REEP5: variants seen among roughly 807,000 people sequenced by gnomAD.
REEP5 encodes receptor accessory protein 5, also known as receptor expression-enhancing protein 5.
A neutral mutation model predicts 22.4 loss-of-function variants in REEP5; 24 were observed. That is an observed-to-expected ratio of 1.07 (90% CI 0.78 to 1.51). The LOEUF is 1.51. REEP5 is among the 40% of genes most tolerant of loss of function. The pLI, the probability that REEP5 is intolerant of heterozygous loss-of-function variation, is 0.00. For synonymous variants in REEP5, 103 were observed against 88.6 expected (o/e 1.16, Z -0.92); for missense variants, 252 against 233.0 (o/e 1.08, Z -0.53).
chr5:112,920,620 T>C (rs1050618251), intron 2 of REEP5, among the ~76,000 whole-genome samples: 4 of 152,206 alleles, frequency 2.6e-5, no homozygotes, highest in Non-Finnish European at 5.9e-5. Context: ...TCATGGAGCA[T>C]TTTTAAAGGT....
chr5:112,907,285 C>G (rs1364423468), intron 2 of REEP5, among the ~76,000 whole-genome samples: 1 of 152,186 alleles, frequency 6.6e-6, no homozygotes. Flanking sequence ...GGCAGTCACA[C>G]TGATCCTGGG....
intron 4 of REEP5, among the ~76,000 whole-genome samples, chr5:112,884,076 C>T (rs932201227): frequency 2.6e-5 from 4 of 152,212 alleles, no homozygotes; most frequent in Admixed American, 2.6e-4. Context: ...AACTTCCTGC[C>T]TTACCCCTTC....
At chr5:112,921,604 C>T (rs959772239) in intron 1 of REEP5, 4 of 325,996 alleles carry the variant, frequency 1.2e-5, no homozygotes, top group Admixed American at 4.6e-5. Context: ...CTGCGCTCAG[C>T]GGGGAGCGTC....
intron 2 of REEP5, among the ~76,000 whole-genome samples, chr5:112,906,019 C>T (rs1038252519): frequency 2.0e-5 from 3 of 152,196 alleles, no homozygotes; most frequent in Non-Finnish European, 4.4e-5. Context: ...AAATATGAAT[C>T]ATATTCCAAC....
intron 4 of REEP5, among the ~76,000 whole-genome samples, chr5:112,879,262 G>A (rs537988863): frequency 7.3e-6 from 1 of 136,242 alleles, no homozygotes; most frequent in Non-Finnish European, 1.5e-5. Flanking sequence ...ATCCCATGGC[G>A]ACAAATCAGA....
chr5:112,903,640 GAC>G (rs1380316711), intron 2 of REEP5, among the ~76,000 whole-genome samples: 1 of 152,178 alleles, frequency 6.6e-6, no homozygotes, highest in Non-Finnish European at 1.5e-5. Flanking sequence ...TCCCCAAAGA[GAC>G]AGTCAGGCTG....
Position 112,921,162 on chromosome 5 carries a change from C to T in REEP5, c.212+1G>A, listed in dbSNP as rs1363931116. ...GGACGGCTGCAGGGTGTGTCACTTA[C>T]GAGATGTAGGCTGGGTAGCCAAATC... On this transcript the variant is annotated splice_donor_variant, in intron 2 of 4. Transcript: ENST00000379638. LOFTEE classifies it high-confidence loss of function. 6.2e-7 allele frequency: 1 copy of T among 1,613,990 alleles called. No homozygotes were observed. Among genetic ancestry groups the T allele is most frequent in the Non-Finnish European group, 8.5e-7 (1 of 1,179,920 alleles).
chr5:112,891,625 G>C, intron 3 of REEP5: 1 of 1,588,930 alleles, frequency 6.3e-7, no homozygotes, highest in Non-Finnish European at 8.6e-7. Flanking sequence ...TGAGGGGTCA[G>C]GCGGTGCTGG....
intron 2 of REEP5, among the ~76,000 whole-genome samples, chr5:112,908,837 G>A (rs1769027516): frequency 6.7e-6 from 1 of 149,480 alleles, no homozygotes; most frequent in Non-Finnish European, 1.5e-5. Flanking sequence ...TTACAGGCGT[G>A]AGCCACCATG....
chr5:112,886,607 G>A (rs1452078852), intron 4 of REEP5, among the ~76,000 whole-genome samples: 2 of 152,168 alleles, frequency 1.3e-5, no homozygotes, highest in African/African-American at 4.8e-5. Context: ...GTAAATGCTT[G>A]ATGGAATTTT....
At chr5:112,915,867 C>T (rs1390849708) in intron 2 of REEP5, among the ~76,000 whole-genome samples, 1 of 133,608 alleles carries the variant, frequency 7.5e-6, no homozygotes, top group Non-Finnish European at 1.6e-5. Flanking sequence ...AAGAACAAAA[C>T]ATAATTACAA....
chr5:112,877,735 G>A lies in REEP5; in HGVS notation c.*1051C>T, dbSNP rs1345838359. 6.6e-6 allele frequency: 1 copy of A among 152,122 alleles called. No homozygotes were observed. Among genetic ancestry groups the A allele is most frequent in the Non-Finnish European group, 1.5e-5 (1 of 68,038 alleles). 9.4% of individuals were successfully genotyped at this position (152,122 alleles called of 1,614,324 possible). On this transcript the variant is annotated 3_prime_UTR_variant, in exon 5 of 5. Coordinates refer to ENST00000379638, the MANE Select transcript of REEP5 (RefSeq NM_005669.5). The stretch of plus-strand genomic sequence containing the variant: ...TAGAGCTAGGTGTCGTCATTAGCAT[G>A]TTGTTGCTAATGATACAAACAAGAA...
chr5:112,905,429 T>C (rs926271040), intron 2 of REEP5, among the ~76,000 whole-genome samples: 2 of 151,558 alleles, frequency 1.3e-5, no homozygotes, highest in African/African-American at 4.8e-5. Context: ...TAATCCCAGC[T>C]GCTTGGGAGG....
chr5:112,915,395 C>T lies in REEP5; in HGVS notation c.212+5768G>A, dbSNP rs567079233. 4.6e-5 allele frequency among the ~76,000 whole-genome samples: 7 copies of T among 152,228 alleles called. No individual in the cohort carries two copies. The South Asian group carries it at 6.2e-4, about 14-fold the overall frequency. Reference sequence around the variant, plus strand: ...GCAAGCGGGCGAACCTTAACTGAAACGCTGGCTGTCATTATTTTACAAAAT... The same window carrying T: ...GCAAGCGGGCGAACCTTAACTGAAATGCTGGCTGTCATTATTTTACAAAAT... On this transcript the variant is annotated intron_variant, in intron 2 of 4. Coordinates refer to ENST00000379638, the MANE Select transcript of REEP5 (RefSeq NM_005669.5).
intron 4 of REEP5, chr5:112,885,635 C>T: frequency 3.4e-6 from 1 of 290,124 alleles, no homozygotes. Flanking sequence ...CCAGGGTCTG[C>T]CAGCCTGGAG....
intron 3 of REEP5, among the ~76,000 whole-genome samples, chr5:112,887,581 G>A (rs892261966): frequency 6.6e-6 from 1 of 152,066 alleles, no homozygotes; most frequent in African/African-American, 2.4e-5. Flanking sequence ...GGAGGCCTGT[G>A]CTTGGTAGGC....
chr5:112,886,381 G>T (rs147163262), intron 4 of REEP5, among the ~76,000 whole-genome samples: 17 of 152,324 alleles, frequency 1.1e-4, no homozygotes, highest in African/African-American at 3.8e-4. Context: ...ATGTGAGGGT[G>T]ATTAGACAAG....
At chr5:112,888,938 C>T (rs1009834639) in intron 3 of REEP5, among the ~76,000 whole-genome samples, 2 of 150,742 alleles carry the variant, frequency 1.3e-5, no homozygotes, top group Admixed American at 6.6e-5. Flanking sequence ...GGGGTGGTTT[C>T]CTGCCATACT....
intron 4 of REEP5, among the ~76,000 whole-genome samples, chr5:112,879,924 C>G (rs912569410): frequency 1.3e-5 from 2 of 151,894 alleles, no homozygotes; most frequent in African/African-American, 4.8e-5. Flanking sequence ...CCCCCCACCT[C>G]TATTTTAAAA....
Sources: allele counts gnomAD v4.1 joint callset (sites outside exome capture counted in the v4.1 genomes callset), GRCh38; gene constraint gnomAD v4.1.1; transcripts MANE v1.5; gene names NCBI Gene and HGNC (gene_info 2026-07-23, HGNC 2026-07-21).